Variants in C3orf33 observed in about 807,000 individuals in gnomAD.
The protein encoded by C3orf33 is AP-1 activity suppressor.
Under a neutral mutation model 28.7 loss-of-function variants are expected in C3orf33, and 23 were observed. That is an observed-to-expected ratio of 0.80 (90% CI 0.58 to 1.13). The LOEUF is 1.13. Among genes scored for constraint, C3orf33 ranks in the 50% most tolerant of loss-of-function variants. The probability of loss-of-function intolerance (pLI) is 0.00; values close to 1 mark genes in which losing one functional copy is unlikely to be tolerated. For synonymous variants in C3orf33, 119 were observed against 120.5 expected (o/e 0.99, Z 0.08); for missense variants, 327 against 353.4 (o/e 0.93, Z 0.60).
At chr3:155,794,361 C>T (rs962335064) in intron 2 of C3orf33, among the ~76,000 whole-genome samples, 1 of 151,840 alleles carries the variant, frequency 6.6e-6, no homozygotes, top group East Asian at 1.9e-4. Context: ...TCATGGTAAC[C>T]TCCAATCAAA....
chr3:155,793,838 T>TA (rs1751395135), intron 2 of C3orf33, among the ~76,000 whole-genome samples: 1 of 109,634 alleles, frequency 9.1e-6, no homozygotes, highest in African/African-American at 2.9e-5. Context: ...CTAAAAAAAC[T>TA]AAAAAAACTA....
At chr3:155,794,450 A>G (rs1469744239) in intron 2 of C3orf33, among the ~76,000 whole-genome samples, 7 of 152,138 alleles carry the variant, frequency 4.6e-5, no homozygotes, top group African/African-American at 1.7e-4. Context: ...AGTAAGAGGA[A>G]GATAGGAAGG....
At chr3:155,770,789 T>C (rs2109253209) in intron 3 of C3orf33, among the ~76,000 whole-genome samples, 1 of 151,832 alleles carries the variant, frequency 6.6e-6, no homozygotes, top group African/African-American at 2.4e-5. Context: ...GCCTCCTGAG[T>C]AGCTGGAATT....
intron 2 of C3orf33, among the ~76,000 whole-genome samples, chr3:155,776,240 TAAAC>T (rs1267589956): frequency 3.3e-5 from 5 of 152,284 alleles, no homozygotes; most frequent in Admixed American, 1.3e-4. Context: ...CGGGAAAACT[TAAAC>T]AAAGCTCAGT....
intron 2 of C3orf33, among the ~76,000 whole-genome samples, chr3:155,793,213 A>G (rs1350892493): frequency 6.6e-6 from 1 of 151,432 alleles, no homozygotes; most frequent in African/African-American, 2.4e-5. Flanking sequence ...TATGTGGCAA[A>G]AAAAAAAAAA....
chr3:155,790,131 T>G (rs1751265608), intron 2 of C3orf33, among the ~76,000 whole-genome samples: 1 of 113,604 alleles, frequency 8.8e-6, no homozygotes, highest in Non-Finnish European at 1.6e-5. Flanking sequence ...ACAACTGCAC[T>G]CCAGTCTGGG....
intron 3 of C3orf33, among the ~76,000 whole-genome samples, chr3:155,769,322 A>C (rs945977069): frequency 6.6e-4 from 100 of 150,982 alleles, no homozygotes; most frequent in East Asian, 1.8e-3. Flanking sequence ...CAAAAAAAAA[A>C]AAAAAAAATA....
chr3:155,776,408 A>G (rs1431494048), intron 2 of C3orf33, among the ~76,000 whole-genome samples: 1 of 152,190 alleles, frequency 6.6e-6, no homozygotes, highest in African/African-American at 2.4e-5. Flanking sequence ...CCTGGAATCA[A>G]TCAACACTTT....
At chr3:155,793,834 A>AAAAAAAAAAAAAAAAAAC (rs778070795) in intron 2 of C3orf33, among the ~76,000 whole-genome samples, 1 of 146,594 alleles carries the variant, frequency 6.8e-6, no homozygotes, top group Non-Finnish European at 1.5e-5. Flanking sequence ...AAAACTAAAA[A>AAAAAAAAAAAAAAAAAAC]AACTAAAAAA....
At chr3:155,795,229 A>G (rs941262279) in intron 2 of C3orf33, among the ~76,000 whole-genome samples, 10 of 151,994 alleles carry the variant, frequency 6.6e-5, no homozygotes, top group Admixed American at 3.3e-4. Context: ...GCCGAGGTGG[A>G]TAGACCACCT....
chr3:155,776,126 A>C (rs2201932), intron 2 of C3orf33, among the ~76,000 whole-genome samples: 56,150 of 151,986 alleles, frequency 0.37, 11,714 homozygotes, highest in Middle Eastern at 0.51. Context: ...GACACAATTC[A>C]TCAAAAGACA....
In C3orf33 at chr3:155,771,017, CTGTGTGTGTGTG is replaced by C. The variant is rs71138678; in HGVS notation, c.323-3360_323-3349del. ...GTTGAGACATAGTTTTGCTCTGCCA[CTGTGTGTGTGTG>C]TGTGTGTGTGTGTGTGTGTGTGTGT... On this transcript the variant is annotated intron_variant, in intron 3 of 4. Coordinates refer to ENST00000340171, the MANE Select transcript of C3orf33 (RefSeq NM_001308229.2). Among the ~76,000 whole-genome samples the C allele has an allele frequency of 1.2e-3, 132 of 109,660 alleles. 4 individuals are homozygous for C. In the East Asian group the frequency reaches 0.017, roughly 14 times the overall value. 71.9% of individuals were successfully genotyped at this position (109,660 alleles called of 152,430 possible).
chr3:155,798,126 C>A lies in C3orf33; in HGVS notation c.174+4406G>T, dbSNP rs187580939. Among the ~76,000 whole-genome samples the A allele has an allele frequency of 9.4e-5, 14 of 149,592 alleles. No individual in the cohort carries two copies. In the East Asian group the frequency reaches 2.7e-3, roughly 29 times the overall value. On this transcript the variant is annotated intron_variant, in intron 2 of 4. Transcript: ENST00000340171. ...CTAATGAAATAAATTGAAAAGGGTACAAACAATGAGAAAATTTTCCATGTT... is the reference window on the plus strand; with the variant it reads ...CTAATGAAATAAATTGAAAAGGGTAAAAACAATGAGAAAATTTTCCATGTT...
chr3:155,804,918 A>G (rs531547114), intron 1 of C3orf33, among the ~76,000 whole-genome samples: 50 of 152,288 alleles, frequency 3.3e-4, no homozygotes, highest in African/African-American at 1.2e-3. Context: ...ATGATCTCCA[A>G]ATTTGCACAT....
chr3:155,792,819 C>T, intron 2 of C3orf33, among the ~76,000 whole-genome samples: 1 of 152,050 alleles, frequency 6.6e-6, no homozygotes, highest in East Asian at 1.9e-4. Context: ...GAATCAAACA[C>T]TCTTACAGGA....
intron 2 of C3orf33, among the ~76,000 whole-genome samples, chr3:155,791,365 T>G (rs1405200205): frequency 6.6e-6 from 1 of 152,168 alleles, no homozygotes; most frequent in Non-Finnish European, 1.5e-5. Context: ...GATTGAGAGA[T>G]GTGCTGACTT....
chr3:155,770,791 G>A (rs1022992202), intron 3 of C3orf33, among the ~76,000 whole-genome samples: 1 of 151,774 alleles, frequency 6.6e-6, no homozygotes, highest in African/African-American at 2.4e-5. Context: ...CTCCTGAGTA[G>A]CTGGAATTAC....
At chr3:155,769,954 C>T (rs1750531837) in intron 3 of C3orf33, among the ~76,000 whole-genome samples, 1 of 152,212 alleles carries the variant, frequency 6.6e-6, no homozygotes, top group Non-Finnish European at 1.5e-5. Flanking sequence ...TTTGCACTGT[C>T]ATGCCCATCT....
chr3:155,801,311 A>G (rs1477241571), intron 2 of C3orf33, among the ~76,000 whole-genome samples: 31 of 38,386 alleles, frequency 8.1e-4, no homozygotes, highest in Admixed American at 6.8e-3. Context: ...ACTCTGTCCA[A>G]AAAAAAAAAA....
Sources: gnomAD v4.1 joint callset for allele counts (sites outside exome capture counted in the v4.1 genomes callset) on GRCh38, gnomAD v4.1.1 for gene constraint, MANE v1.5 for transcripts, NCBI Gene and HGNC (gene_info 2026-07-23, HGNC 2026-07-21) for gene names.